SCAF8: variants seen among roughly 807,000 people sequenced by gnomAD.
SCAF8 encodes SR-related CTD associated factor 8.
Under a neutral mutation model 140.5 loss-of-function variants are expected in SCAF8, and 23 were observed. The ratio of observed to expected loss-of-function variants is 0.16; its 90% CI spans 0.12 to 0.23. The LOEUF is 0.23. Ranked by LOEUF, SCAF8 falls within the 10% of genes least tolerant of loss-of-function variation. SCAF8 has a pLI of 1.00. For synonymous variants in SCAF8, 575 were observed against 528.9 expected (o/e 1.09, Z -1.20); for missense variants, 1,397 against 1,555.7 (o/e 0.90, Z 1.72).
At chr6:154,822,820 C>G (rs775369322) in intron 16 of SCAF8, among the ~76,000 whole-genome samples, 36 of 152,202 alleles carry the variant, frequency 2.4e-4, no homozygotes, top group Non-Finnish European at 3.5e-4. Context: ...AGTACTGGCT[C>G]TGTGACACTC....
chr6:154,743,936 A>G (rs1004231636), intron 1 of SCAF8, among the ~76,000 whole-genome samples: 2 of 152,200 alleles, frequency 1.3e-5, no homozygotes, highest in Admixed American at 6.5e-5. Flanking sequence ...ACAGCTGCTC[A>G]CTATGATGAA....
At chr6:154,827,845 G>GT in intron 18 of SCAF8, among the ~76,000 whole-genome samples, 1 of 144,810 alleles carries the variant, frequency 6.9e-6, no homozygotes, top group South Asian at 2.3e-4. Context: ...GGGGGGGGGG[G>GT]CGGTGTAAAA....
chr6:154,737,497 G>A (rs1471872012), intron 1 of SCAF8, among the ~76,000 whole-genome samples: 2 of 152,030 alleles, frequency 1.3e-5, no homozygotes, highest in African/African-American at 2.4e-5. Flanking sequence ...CCAGCATGGC[G>A]AAACCCCCAT....
At chr6:154,787,109 C>T (rs557885182) in intron 3 of SCAF8, among the ~76,000 whole-genome samples, 1 of 152,352 alleles carries the variant, frequency 6.6e-6, no homozygotes, top group South Asian at 2.1e-4. Context: ...ATTTCCAGCA[C>T]TTTGGGAGAT....
In SCAF8 at chr6:154,833,354, A is replaced by G. The variant is rs1482310902; in HGVS notation, c.3775A>G (p.Ser1259Gly). The change falls in exon 20 of 20, where the codon AGT (serine) becomes GGT (glycine). Residue 1259 changes from serine to glycine, a missense_variant. Ser to Gly is a moderately conservative substitution (Grantham distance 56, BLOSUM62 0). Around this residue, in one of 5 missense-constraint regions of SCAF8, gnomAD observed 930 missense variants for 874.6 expected, o/e 1.06. Coordinates refer to ENST00000367178, the MANE Select transcript of SCAF8 (RefSeq NM_014892.5). ...GAGTGACACAGTTGCTGATATAGAAAGTGAACCAGTGGTAGAAAGCACAGA... is the reference window on the plus strand; with the variant it reads ...GAGTGACACAGTTGCTGATATAGAAGGTGAACCAGTGGTAGAAAGCACAGA... ...EKSDTVADIESEPVVESTETE... is the reference protein window; with the variant it reads ...EKSDTVADIEGEPVVESTETE... 1 of 1,613,750 alleles carries G rather than the reference A, an allele frequency of 6.2e-7. No individual in the cohort carries two copies. The highest frequency in any genetic ancestry group is 8.5e-7 in the Non-Finnish European group (1 of 1,179,916).
Position 154,827,212 on chromosome 6 carries a change from C to T in SCAF8, c.2112C>T (p.Pro704=). ...CAGTTCCCCCACCTGTTGTGCCACC[C>T]CCTACGATTCCACCAGTAGTACCAA... ...PPPVPPPVVP[P]PTIPPVVPTS... Residue 704 remains proline, a synonymous_variant, in exon 18 of 20, where the codon CCC becomes CCT. Coordinates refer to ENST00000367178, the MANE Select transcript of SCAF8 (RefSeq NM_014892.5). The T allele has an allele frequency of 6.2e-7, 1 of 1,604,876 alleles. No homozygotes were observed. The highest frequency in any genetic ancestry group is 8.5e-7 in the Non-Finnish European group (1 of 1,176,184).
chr6:154,764,277 C>T (rs1307648156), intron 1 of SCAF8, among the ~76,000 whole-genome samples: 4 of 141,766 alleles, frequency 2.8e-5, no homozygotes, highest in South Asian at 4.4e-4. Context: ...ATTTTCTTTC[C>T]TTTTTTTTTT....
In SCAF8 at chr6:154,780,338, A is replaced by T. The variant is rs529830921; in HGVS notation, c.159+2293A>T. On this transcript the variant is annotated intron_variant, in intron 3 of 19. Coordinates refer to ENST00000367178, the MANE Select transcript of SCAF8 (RefSeq NM_014892.5). Reference sequence around the variant, plus strand: ...GAGATCTAACCAAGTTGTTGCATGTATCAAATAGTTCCTTCCTTTTTTTTT... The same window carrying T: ...GAGATCTAACCAAGTTGTTGCATGTTTCAAATAGTTCCTTCCTTTTTTTTT... Among the ~76,000 whole-genome samples the T allele has an allele frequency of 3.5e-4, 53 of 151,044 alleles. 1 individual carries two copies. The South Asian group carries it at 0.01, about 29-fold the overall frequency.
In SCAF8 at chr6:154,733,427, C is replaced by G; in HGVS notation, c.-474C>G. ...GACTCGAGTCCGCCATATTGGATGCCGCAGCCGCTGCTGCCAGCGCTTCCT... is the reference window on the plus strand; with the variant it reads ...GACTCGAGTCCGCCATATTGGATGCGGCAGCCGCTGCTGCCAGCGCTTCCT... On this transcript the variant is annotated 5_prime_UTR_variant, in exon 1 of 20. Coordinates refer to ENST00000367178, the MANE Select transcript of SCAF8 (RefSeq NM_014892.5). The G allele has an allele frequency of 1.4e-6, 2 of 1,403,034 alleles. No individual in the cohort carries two copies. The highest frequency in any genetic ancestry group is 2.9e-5 in the South Asian group (2 of 67,818). 86.9% of individuals were successfully genotyped at this position (1,403,034 alleles called of 1,614,324 possible).
intron 5 of SCAF8, 33 bp from the exon 6 acceptor site, chr6:154,794,976 T>C: frequency 6.4e-7 from 1 of 1,556,828 alleles, no homozygotes; most frequent in African/African-American, 1.4e-5. Flanking sequence ...TACTTACATA[T>C]TTATTTGGGG....
chr6:154,740,601 G>T (rs1231746666), intron 1 of SCAF8, among the ~76,000 whole-genome samples: 13 of 150,316 alleles, frequency 8.6e-5, no homozygotes, highest in African/African-American at 2.0e-4. Context: ...GTGAAGTAAA[G>T]ATTTTCTTTT....
At chr6:154,829,631 G>A (rs1173380547) in intron 18 of SCAF8, among the ~76,000 whole-genome samples, 1 of 152,130 alleles carries the variant, frequency 6.6e-6, no homozygotes, top group Non-Finnish European at 1.5e-5. Context: ...ATTTGGCCGG[G>A]CATGGTGGCT....
chr6:154,751,343 C>A (rs982668755), intron 1 of SCAF8, among the ~76,000 whole-genome samples: 1 of 151,986 alleles, frequency 6.6e-6, no homozygotes, highest in South Asian at 2.1e-4. Flanking sequence ...ATTGTTCTGC[C>A]TCAAACTCCC....
At chr6:154,752,618 A>G (rs886998628) in intron 1 of SCAF8, among the ~76,000 whole-genome samples, 1 of 152,176 alleles carries the variant, frequency 6.6e-6, no homozygotes, top group Non-Finnish European at 1.5e-5. Context: ...TATAGAGACT[A>G]TGAGTTGTAA....
At chr6:154,769,601 C>G (rs575978654) in intron 1 of SCAF8, among the ~76,000 whole-genome samples, 2 of 152,244 alleles carry the variant, frequency 1.3e-5, no homozygotes, top group South Asian at 4.1e-4. Flanking sequence ...TTGAGCTGTT[C>G]TAGTGTGCTC....
At chr6:154,741,857 A>G (rs369517291) in intron 1 of SCAF8, 5 of 734,384 alleles carry the variant, frequency 6.8e-6, no homozygotes, top group Middle Eastern at 2.3e-4. Flanking sequence ...AATGTAATCA[A>G]CCTTGACCTT....
At chr6:154,742,337 CCT>C (rs1380126012) in intron 1 of SCAF8, among the ~76,000 whole-genome samples, 17 of 152,062 alleles carry the variant, frequency 1.1e-4, no homozygotes, top group African/African-American at 4.1e-4. Flanking sequence ...GAATTGCAGA[CCT>C]CTTAATTGAA....
chr6:154,812,811 T>G (rs965589317), intron 12 of SCAF8, among the ~76,000 whole-genome samples: 1 of 151,818 alleles, frequency 6.6e-6, no homozygotes, highest in Admixed American at 6.6e-5. Flanking sequence ...ATGGGAAAAA[T>G]GTGTAGAGAG....
chr6:154,754,407 T>C (rs1778914482), intron 1 of SCAF8, among the ~76,000 whole-genome samples: 1 of 152,214 alleles, frequency 6.6e-6, no homozygotes, highest in Admixed American at 6.5e-5. Context: ...TTGTTTTGTT[T>C]TTGGAAACTG....
Sources: allele counts gnomAD v4.1 joint callset (sites outside exome capture counted in the v4.1 genomes callset), GRCh38; gene constraint gnomAD v4.1.1; regional missense constraint gnomAD v4.1.1; transcripts MANE v1.5; gene names NCBI Gene and HGNC (gene_info 2026-07-23, HGNC 2026-07-21).